The following FAT2 variants were observed in gnomAD, a reference collection of about 807,000 sequenced individuals.
FAT2 encodes protocadherin Fat 2.
Under a neutral mutation model 295.3 loss-of-function variants are expected in FAT2, and 150 were observed. That is an observed-to-expected ratio of 0.51 (90% CI 0.44 to 0.58). The LOEUF is 0.58. FAT2 is among the 20% of genes least tolerant of loss of function. The pLI is 0.00. For missense variants in FAT2, 4,868 were observed against 5,442.7 expected (o/e 0.89, Z 3.32); for synonymous variants, 2,026 against 2,150.3 (o/e 0.94, Z 1.60).
In FAT2 at chr5:151,551,595, C is replaced by A; in HGVS notation, c.4168G>T (p.Asp1390Tyr). ...FWFNISGGDK[D>Y]MDFDIEKTTG... The stretch of plus-strand genomic sequence containing the variant: ...GTCTTCTCAATGTCAAAGTCCATGT[C>A]CTTATCCCCACCTAGAGTGGGAGTG... Residue 1390 changes from aspartate to tyrosine, a missense_variant, in exon 7 of 24, where the codon GAC becomes TAC. By Grantham distance (160) the Asp-to-Tyr change is radical. Transcript: ENST00000261800. The A allele has an allele frequency of 6.2e-7, 1 of 1,614,168 alleles. No homozygotes were observed. The highest frequency in any genetic ancestry group is 8.5e-7 in the Non-Finnish European group (1 of 1,180,014).
At chr5:151,535,169 T>A (rs2127595199) in intron 12 of FAT2, among the ~76,000 whole-genome samples, 2 of 152,020 alleles carry the variant, frequency 1.3e-5, no homozygotes, top group South Asian at 4.2e-4. Flanking sequence ...TGTGTGGTGT[T>A]ATAAGTGTAT....
intron 3 of FAT2, among the ~76,000 whole-genome samples, chr5:151,561,392 CT>C (rs59201815): frequency 3.3e-5 from 5 of 149,848 alleles, no homozygotes; most frequent in Admixed American, 1.3e-4. Context: ...CTTTCTCTCT[CT>C]TTTTTTTTTC....
At position 151,554,391 on chromosome 5, in the gene FAT2, A is replaced by G. The variant is rs1402348007; in HGVS notation, c.3916T>C (p.Phe1306Leu). 2 of 1,614,106 alleles carry G rather than the reference A, an allele frequency of 1.2e-6. No individual in the cohort carries two copies. The highest frequency in any genetic ancestry group is 8.5e-7 in the Non-Finnish European group (1 of 1,180,006). ...VTGVVSSSSTFTAGEYNILTI... is the reference protein window; with the variant it reads ...VTGVVSSSSTLTAGEYNILTI... ...AGGATGTTGTACTCTCCAGCTGTAA[A>G]AGTGCTGCTGGATGAAACCACACCT... Residue 1306 changes from phenylalanine to leucine, a missense_variant, in exon 5 of 24, where the codon TTT becomes CTT. Transcript: ENST00000261800.
At chr5:151,586,876 C>G (rs981121018) in intron 1 of FAT2, among the ~76,000 whole-genome samples, 5 of 152,184 alleles carry the variant, frequency 3.3e-5, no homozygotes, top group Admixed American at 3.3e-4. Flanking sequence ...CGCAGTGGCC[C>G]ACGCTTGTAA....
intron 20 of FAT2, among the ~76,000 whole-genome samples, chr5:151,516,767 A>T (rs138876951): frequency 6.6e-6 from 1 of 152,326 alleles, no homozygotes; most frequent in African/African-American, 2.4e-5. Flanking sequence ...TCTGTTTTGA[A>T]TGAATTAAAA....
At position 151,565,947 on chromosome 5, in the gene FAT2, G is replaced by T; in HGVS notation, c.2985C>A (p.Tyr995Ter). The change falls in exon 2 of 24, where the codon TAC becomes TAA. Residue 995 changes from tyrosine (Y) to a stop codon, truncating the protein, a stop_gained. Transcript: ENST00000261800. LOFTEE classifies it high-confidence loss of function. ...RELDFERRAG[Y>*]NLSLWASDGG... ...CATCACTGGCCCACAGGCTCAGATT[G>T]TACCCAGCTCGCCTCTCAAAGTCCA... 2 of 1,613,948 alleles carry T rather than the reference G, an allele frequency of 1.2e-6. No individual in the cohort carries two copies. Among genetic ancestry groups the T allele is most frequent in the Non-Finnish European group, 1.7e-6 (2 of 1,180,002 alleles).
Position 151,544,340 on chromosome 5 carries a change from C to T in FAT2, c.6787G>A (p.Glu2263Lys). Reference sequence around the variant, plus strand: ...GTGGGAGGGTTATCATTGACATCCTCCACTAGGACTTCCACTGTGGCTTCA... The same window carrying T: ...GTGGGAGGGTTATCATTGACATCCTTCACTAGGACTTCCACTGTGGCTTCA... Reference protein sequence around the residue: ...FSEATVEVLVEDVNDNPPTFS... With the variant: ...FSEATVEVLVKDVNDNPPTFS... Residue 2263 changes from glutamate (E) to lysine (K), a missense_variant, in exon 10 of 24, where the codon GAG becomes AAG. Around this residue, in one of 5 missense-constraint regions of FAT2, gnomAD observed 3,297 missense variants for 3,669.4 expected, o/e 0.90. Coordinates refer to ENST00000261800, the MANE Select transcript of FAT2 (RefSeq NM_001447.3). 6.2e-7 allele frequency: 1 copy of T among 1,614,208 alleles called. No homozygotes were observed. Among genetic ancestry groups the T allele is most frequent in the Non-Finnish European group, 8.5e-7 (1 of 1,180,032 alleles).
chr5:151,545,154 A>T lies in FAT2; in HGVS notation c.5973T>A (p.Gly1991=). 6.2e-7 allele frequency: 1 copy of T among 1,614,188 alleles called. No individual in the cohort carries two copies. The highest frequency in any genetic ancestry group is 8.5e-7 in the Non-Finnish European group (1 of 1,180,032). ...LQDRKALVIL[G]AQGNHLNDTL... ...TGTCATTCAAATGATTGCCCTGGGC[A>T]CCAAGAATCACCAGTGCCTTTCTGT... Residue 1991 remains glycine (G), a synonymous_variant, in exon 10 of 24, where the codon GGT becomes GGA. Transcript: ENST00000261800.
chr5:151,550,371 T>G (rs527812874), intron 8 of FAT2, among the ~76,000 whole-genome samples: 1 of 152,114 alleles, frequency 6.6e-6, no homozygotes, highest in Non-Finnish European at 1.5e-5. Flanking sequence ...CAGAGAAAGC[T>G]GAGGTTGACA....
In FAT2 at chr5:151,568,249, C is replaced by T. The variant is rs141477736; in HGVS notation, c.683G>A (p.Arg228Gln). 50 of 1,614,022 alleles carry T rather than the reference C, an allele frequency of 3.1e-5. No individual in the cohort carries two copies. The highest frequency in any genetic ancestry group is 2.2e-4 in the Admixed American group (13 of 60,006). ...ELQVLAVDRM[R>Q]KISEGNGFGS... ...AAACCCATTGCCCTCAGAGATTTTC[C>T]GCATGCGGTCCACAGCTAGCACCTG... The change falls in exon 2 of 24, where the codon CGG becomes CAG. Residue 228 changes from arginine to glutamine, a missense_variant. Physicochemically the swap from Arg to Gln is conservative, Grantham distance 43. This residue lies in a region of FAT2 where 3,297 missense variants were observed against 3,669.4 expected (regional missense o/e 0.90). Transcript: ENST00000261800.
intron 1 of FAT2, 33 bp from the exon 2 acceptor site, chr5:151,568,984 AG>A: frequency 2.0e-6 from 3 of 1,528,892 alleles, no homozygotes; most frequent in Non-Finnish European, 2.6e-6. Flanking sequence ...GGTGCAAGTT[AG>A]GGGGAAAAAA....
rs1057263692 is a variant in FAT2 at position 151,531,223 on chromosome 5, A to G, written c.9811+364T>C. Among the ~76,000 whole-genome samples, 1 of 152,182 alleles carries G rather than the reference A, an allele frequency of 6.6e-6. No individual in the cohort carries two copies. Among genetic ancestry groups the G allele is most frequent in the Non-Finnish European group, 1.5e-5 (1 of 68,018 alleles). ...CCTTGTCCAGGGTTGCTTAAGCCCC[A>G]GATTCCAGCAAGGGCTCCCTGCCTC... On this transcript the variant is annotated intron_variant, in intron 14 of 23. Transcript: ENST00000261800. The surrounding 1 kb of genome is among the most constrained non-coding windows in gnomAD (Gnocchi z 5.7).
Position 151,542,605 on chromosome 5 carries a change from C to T in FAT2, c.8522G>A (p.Gly2841Asp), listed in dbSNP as rs1179682754. ...QVSYRLSADP[G>D]SNVHELFAID... is the part of the protein sequence containing the mutation. ...GGCAAAGAGCTCATGGACATTGCTACCAGGGTCTGCAGACAGCCTGTAGCT... is the reference window on the plus strand; with the variant it reads ...GGCAAAGAGCTCATGGACATTGCTATCAGGGTCTGCAGACAGCCTGTAGCT... Residue 2841 changes from glycine (G) to aspartate (D), a missense_variant, in exon 10 of 24, where the codon GGT (glycine) becomes GAT (aspartate). Physicochemically the swap from Gly to Asp is moderately conservative, Grantham distance 94 (BLOSUM62 -1). Coordinates refer to ENST00000261800, the MANE Select transcript of FAT2 (RefSeq NM_001447.3). The T allele has an allele frequency of 1.2e-6, 2 of 1,614,212 alleles. No individual in the cohort carries two copies. Among genetic ancestry groups the T allele is most frequent in the Admixed American group, 1.7e-5 (1 of 60,024 alleles).
Position 151,561,572 on chromosome 5 carries a change from G to A in FAT2, c.3574+1753C>T, listed in dbSNP as rs76792037. On this transcript the variant is annotated intron_variant, in intron 3 of 23. Coordinates refer to ENST00000261800, the MANE Select transcript of FAT2 (RefSeq NM_001447.3). ...CACCAGGCTAATTTTTGTATGTTTT[G>A]TACGGATGGGATTTCGCCATGTTGC... 2.9e-4 allele frequency among the ~76,000 whole-genome samples: 44 copies of A among 152,234 alleles called. No homozygotes were observed. The East Asian group carries it at 7.9e-3, about 27-fold the overall frequency.
At chr5:151,593,900 G>A (rs905306520), upstream of FAT2, among the ~76,000 whole-genome samples, 3 of 152,108 alleles carry the variant, frequency 2.0e-5, no homozygotes, top group Admixed American at 2.0e-4. Context: ...CTACTCAGGA[G>A]GCTGAGGCAG....
In FAT2 at chr5:151,521,437, C is replaced by T. The variant is rs1344751631; in HGVS notation, c.11156G>A (p.Arg3719Gln). Residue 3719 changes from arginine (R) to glutamine (Q), a missense_variant, in exon 19 of 24, where the codon CGG becomes CAG. This residue lies in a region of FAT2 where 1,046 missense variants were observed against 1,210.1 expected (regional missense o/e 0.86). Transcript: ENST00000261800. ...GCAGGGCACCATGGGCATAGCTGACCGCATCTGAACCCCCACTGAATGCTC... is the reference window on the plus strand; with the variant it reads ...GCAGGGCACCATGGGCATAGCTGACTGCATCTGAACCCCCACTGAATGCTC... ...EMEHSVGVQM[R>Q]SAMPMVPCQG... 7.4e-6 allele frequency: 12 copies of T among 1,614,088 alleles called. No individual in the cohort carries two copies. The highest frequency in any genetic ancestry group is 4.5e-5 in the East Asian group (2 of 44,888).
intron 23 of FAT2, among the ~76,000 whole-genome samples, chr5:151,506,629 C>T (rs77149907): frequency 0.016 from 2,399 of 152,274 alleles, 35 homozygotes; most frequent in Non-Finnish European, 0.023. Flanking sequence ...CCTCGGTTTC[C>T]GTATTTGACA....
rs2127591394 is a variant in FAT2, at chr5:151,531,732, C to G, written c.9666G>C (p.Glu3222Asp). 1 of 1,613,922 alleles carries G rather than the reference C, an allele frequency of 6.2e-7. No homozygotes were observed. The highest frequency in any genetic ancestry group is 8.5e-7 in the Non-Finnish European group (1 of 1,179,986). ...EDYLPVFLNT[E>D]HSVQVPEDAP... ...CGTCCTCGGGCACCTGCACGCTGTG[C>G]TCGGTGTTCAGGAACACGGGCAGGT... Residue 3222 changes from glutamate (E) to aspartate (D), a missense_variant, in exon 14 of 24, where the codon GAG (glutamate) becomes GAC (aspartate). By Grantham distance (45) the Glu-to-Asp change is conservative. Transcript: ENST00000261800. This position sits in a 1 kb window ranked among gnomAD's most constrained non-coding sequence, Gnocchi z 5.7.
At position 151,545,983 on chromosome 5, in the gene FAT2, T is replaced by A. The variant is rs1278052160; in HGVS notation, c.5144A>T (p.Gln1715Leu). 1.2e-6 allele frequency: 2 copies of A among 1,614,228 alleles called. No individual in the cohort carries two copies. Among genetic ancestry groups the A allele is most frequent in the Admixed American group, 3.3e-5 (2 of 60,030 alleles). ...MNSYSGLIST[Q>L]KKLDHEKISS... Reference sequence around the variant, plus strand: ...GATTTTCTCATGGTCCAATTTCTTCTGGGTGGAAATAAGGCCAGAATATGA... The same window carrying A: ...GATTTTCTCATGGTCCAATTTCTTCAGGGTGGAAATAAGGCCAGAATATGA... Residue 1715 changes from glutamine to leucine, a missense_variant, in exon 10 of 24, where the codon CAG becomes CTG. Physicochemically the swap from Gln to Leu is moderately radical, Grantham distance 113. Coordinates refer to ENST00000261800, the MANE Select transcript of FAT2 (RefSeq NM_001447.3).
Sources: gnomAD v4.1 joint callset for allele counts (sites outside exome capture counted in the v4.1 genomes callset) on GRCh38, gnomAD v4.1.1 for gene constraint, gnomAD v4.1.1 regional missense constraint, Gnocchi (gnomAD v3.1) non-coding constraint, MANE v1.5 for transcripts, NCBI Gene and HGNC (gene_info 2026-07-23, HGNC 2026-07-21) for gene names.